NRXN1: variants seen among roughly 807,000 people sequenced by gnomAD.
The protein encoded by NRXN1 is neurexin 1.
NRXN1 carries 39 observed loss-of-function variants against 150.9 expected under a neutral mutation model. That is an observed-to-expected ratio of 0.26 (90% CI 0.20 to 0.34). NRXN1 has a LOEUF of 0.34. NRXN1 is among the 10% of genes least tolerant of loss of function. The probability of loss-of-function intolerance (pLI) is 1.00; values close to 1 mark genes in which losing one functional copy is unlikely to be tolerated. For missense variants in NRXN1, 1,815 were observed against 1,949.9 expected, an observed-to-expected ratio of 0.93 and a Z score of 1.30; for synonymous variants, 924 against 757.0, an observed-to-expected ratio of 1.22 and a Z score of -3.62.
Position 50,465,566 on chromosome 2 carries a change from A to T in NRXN1, c.3245-5T>A. On this transcript the variant is annotated splice_polypyrimidine_tract_variant and splice_region_variant and intron_variant, in intron 16 of 22. Coordinates refer to ENST00000401669, the MANE Select transcript of NRXN1 (RefSeq NM_001330078.2). Reference sequence around the variant, plus strand: ...CTTGGCAGGTTGTGCTGGGCCCTGCAAAACAATCCAAAGGAAACTTGGGTT... The same window carrying T: ...CTTGGCAGGTTGTGCTGGGCCCTGCTAAACAATCCAAAGGAAACTTGGGTT... The T allele has an allele frequency of 6.2e-7, 1 of 1,600,444 alleles. No individual in the cohort carries two copies. Among genetic ancestry groups the T allele is most frequent in the Non-Finnish European group, 8.5e-7 (1 of 1,172,616 alleles).
At position 50,807,348 on chromosome 2, in the gene NRXN1, G is replaced by A. The variant is rs139938132; in HGVS notation, c.832+114521C>T. 7.7e-3 allele frequency among the ~76,000 whole-genome samples: 1,175 copies of A among 152,184 alleles called. 17 individuals are homozygous for A. Among genetic ancestry groups the A allele is most frequent in the African/African-American group, 0.026 (1,099 of 41,524 alleles). On this transcript the variant is annotated intron_variant, in intron 5 of 22. Coordinates refer to ENST00000401669, the MANE Select transcript of NRXN1 (RefSeq NM_001330078.2). ...AAGGGATCAACTAACTAATATCAAGGACAGTAAGGTTCTTACCCCATTCAT... is the reference window on the plus strand; with the variant it reads ...AAGGGATCAACTAACTAATATCAAGAACAGTAAGGTTCTTACCCCATTCAT...
chr2:49,938,359 A>G (rs1008713360), intron 22 of NRXN1, among the ~76,000 whole-genome samples: 1 of 152,164 alleles, frequency 6.6e-6, no homozygotes, highest in African/African-American at 2.4e-5. Context: ...TCTTCACCAA[A>G]TACTAGTTAT....
intron 8 of NRXN1, among the ~76,000 whole-genome samples, chr2:50,564,652 T>C (rs1370141707): frequency 1.3e-5 from 2 of 152,186 alleles, no homozygotes; most frequent in Non-Finnish European, 2.9e-5. Context: ...GTGGACTAAA[T>C]ATATGGCCTT....
chr2:50,160,088 G>A (rs1052086322), intron 18 of NRXN1, among the ~76,000 whole-genome samples: 11 of 152,210 alleles, frequency 7.2e-5, no homozygotes, highest in African/African-American at 2.6e-4. Context: ...CTGTGATTTA[G>A]CTACAATTCG....
intron 17 of NRXN1, among the ~76,000 whole-genome samples, chr2:50,368,610 G>A (rs1173789186): frequency 6.6e-6 from 1 of 151,974 alleles, no homozygotes; most frequent in Non-Finnish European, 1.5e-5. Flanking sequence ...AAACAGGTGA[G>A]TGACCAGATG....
rs1559035927 is a variant in NRXN1, at chr2:50,177,803, CT to C, written c.3546+58985del. On this transcript the variant is annotated intron_variant, in intron 18 of 22. Transcript: ENST00000401669. ...TCTCTCTCTCTCTCTCTCTCTCTCT[CT>C]CTCTCTCCTCCTCTCCCTCCCTCCC... 7.9e-5 allele frequency among the ~76,000 whole-genome samples: 12 copies of C among 151,208 alleles called. No individual in the cohort carries two copies. The East Asian group carries it at 2.3e-3, about 30-fold the overall frequency.
chr2:50,471,214 G>A (rs970741541), intron 16 of NRXN1, among the ~76,000 whole-genome samples: 5 of 151,762 alleles, frequency 3.3e-5, no homozygotes, highest in East Asian at 3.9e-4. Flanking sequence ...AGTCTTGTAC[G>A]TTGTACCCAA....
At chr2:51,008,976 C>T (rs1056670568) in intron 2 of NRXN1, among the ~76,000 whole-genome samples, 2 of 151,638 alleles carry the variant, frequency 1.3e-5, no homozygotes, top group Admixed American at 1.3e-4. Context: ...TCAATGAAAA[C>T]AAAGTATAAC....
At chr2:50,146,509 A>C (rs1021144948) in intron 18 of NRXN1, among the ~76,000 whole-genome samples, 24 of 151,728 alleles carry the variant, frequency 1.6e-4, no homozygotes, top group African/African-American at 5.6e-4. Flanking sequence ...TAAATATTTA[A>C]ATCAGCAAAT....
intron 18 of NRXN1, among the ~76,000 whole-genome samples, chr2:50,097,720 AC>A (rs1250845451): frequency 6.6e-6 from 1 of 152,006 alleles, no homozygotes; most frequent in Non-Finnish European, 1.5e-5. Context: ...GCTCTCTGCA[AC>A]CTTTGCTTCC....
At chr2:50,072,671 G>A (rs889896820) in intron 19 of NRXN1, among the ~76,000 whole-genome samples, 7 of 149,994 alleles carry the variant, frequency 4.7e-5, no homozygotes, top group African/African-American at 1.7e-4. Flanking sequence ...AAAACTGAAC[G>A]AATGTCTTAC....
At chr2:50,477,695 A>T (rs966049049) in intron 15 of NRXN1, among the ~76,000 whole-genome samples, 6 of 152,220 alleles carry the variant, frequency 3.9e-5, no homozygotes, top group African/African-American at 1.4e-4. Flanking sequence ...AAGCATACAG[A>T]AAAAGGACAA....
At chr2:50,253,176 G>A (rs768386076) in intron 17 of NRXN1, among the ~76,000 whole-genome samples, 15 of 151,976 alleles carry the variant, frequency 9.9e-5, no homozygotes, top group Non-Finnish European at 2.1e-4. Context: ...TGTAGTAATT[G>A]TGAATGGGAG....
At position 50,187,391 on chromosome 2, in the gene NRXN1, A is replaced by G. The variant is rs538376825; in HGVS notation, c.3546+49398T>C. 3.3e-5 allele frequency among the ~76,000 whole-genome samples: 5 copies of G among 152,194 alleles called. No individual in the cohort carries two copies. In the South Asian group the frequency reaches 1.0e-3, roughly 32 times the overall value. ...ACAAAGAGCTCATTTTTTAAATCTT[A>G]AGGTTTAGTGAAGAAGAGATTTCAA... On this transcript the variant is annotated intron_variant, in intron 18 of 22. Coordinates refer to ENST00000401669, the MANE Select transcript of NRXN1 (RefSeq NM_001330078.2).
intron 18 of NRXN1, among the ~76,000 whole-genome samples, chr2:50,225,508 A>T (rs1320293835): frequency 3.9e-5 from 6 of 152,160 alleles, no homozygotes; most frequent in African/African-American, 1.2e-4. Context: ...TTAAGAACAA[A>T]GTATTATGAT....
At chr2:50,599,586 A>G (rs1222592431) in intron 8 of NRXN1, among the ~76,000 whole-genome samples, 2 of 152,230 alleles carry the variant, frequency 1.3e-5, no homozygotes, top group African/African-American at 4.8e-5. Flanking sequence ...TTTAAGTTAA[A>G]GTGAGAAACA....
intron 17 of NRXN1, among the ~76,000 whole-genome samples, chr2:50,441,896 A>G (rs1472039298): frequency 6.6e-6 from 1 of 152,162 alleles, no homozygotes; most frequent in African/African-American, 2.4e-5. Context: ...CTGTATTGTC[A>G]AAAATCTTGG....
intron 18 of NRXN1, among the ~76,000 whole-genome samples, chr2:50,146,226 G>C (rs1352283045): frequency 6.6e-6 from 1 of 151,582 alleles, no homozygotes; most frequent in East Asian, 1.9e-4. Flanking sequence ...CTCCTAAATT[G>C]GTGGGAGTCT....
chr2:50,519,995 C>T (rs1170360266), intron 12 of NRXN1, among the ~76,000 whole-genome samples: 1 of 151,794 alleles, frequency 6.6e-6, no homozygotes, highest in Non-Finnish European at 1.5e-5. Flanking sequence ...CAAGATGTTG[C>T]TAAAATTAGA....
Sources: allele counts gnomAD v4.1 joint callset (sites outside exome capture counted in the v4.1 genomes callset), GRCh38; gene constraint gnomAD v4.1.1; transcripts MANE v1.5; gene names NCBI Gene and HGNC (gene_info 2026-07-23, HGNC 2026-07-21).